Variants in RNF180 observed in about 807,000 individuals in gnomAD.
RNF180 encodes E3 ubiquitin-protein ligase RNF180.
Under a neutral mutation model 59.2 loss-of-function variants are expected in RNF180, and 38 were observed. That is an observed-to-expected ratio of 0.64 (90% CI 0.50 to 0.84). RNF180 has a LOEUF of 0.84. RNF180 is among the 40% of genes least tolerant of loss of function. The pLI is 0.00. For synonymous variants in RNF180, 262 were observed against 240.3 expected (o/e 1.09, Z -0.84); for missense variants, 705 against 700.9 (o/e 1.01, Z -0.07).
chr5:64,298,581 T>TG (rs1009328524), intron 5 of RNF180, among the ~76,000 whole-genome samples: 1 of 152,068 alleles, frequency 6.6e-6, no homozygotes, highest in Non-Finnish European at 1.5e-5. Context: ...CATACTACAA[T>TG]GGACTGAATG....
Position 64,371,104 on chromosome 5 carries a change from G to A in RNF180, c.*1290G>A, listed in dbSNP as rs1003230547. ...TAAAAGCACTTGACTGTTGGTATGTGATGTTCTAAGAAAACTAGAAGAATG... is the reference window on the plus strand; with the variant it reads ...TAAAAGCACTTGACTGTTGGTATGTAATGTTCTAAGAAAACTAGAAGAATG... On this transcript the variant is annotated 3_prime_UTR_variant, in exon 8 of 8. Transcript: ENST00000389100. 2 of 151,534 alleles carry A rather than the reference G, an allele frequency of 1.3e-5. No individual in the cohort carries two copies. The highest frequency in any genetic ancestry group is 3.0e-5 in the Non-Finnish European group (2 of 67,684). The allele number at this position is 151,534 out of a possible 1,614,324, so 9.4% of individuals were successfully genotyped here.
chr5:64,339,129 A>C (rs1288995293), intron 7 of RNF180, among the ~76,000 whole-genome samples: 1 of 147,732 alleles, frequency 6.8e-6, no homozygotes, highest in Non-Finnish European at 1.5e-5. Flanking sequence ...TTATCTACTC[A>C]TTTTTCTGTG....
chr5:64,183,957 T>C (rs1285206006), intron 1 of RNF180, among the ~76,000 whole-genome samples: 1 of 152,168 alleles, frequency 6.6e-6, no homozygotes, highest in Non-Finnish European at 1.5e-5. Context: ...ACATGGCTAT[T>C]TGGAGGATAG....
chr5:64,258,723 G>A (rs1450974028), intron 5 of RNF180, among the ~76,000 whole-genome samples: 1 of 152,114 alleles, frequency 6.6e-6, no homozygotes, highest in African/African-American at 2.4e-5. Context: ...AGATAACTCT[G>A]GGCTGAGATA....
intron 1 of RNF180, among the ~76,000 whole-genome samples, chr5:64,198,173 T>C (rs1234047682): frequency 1.3e-5 from 2 of 152,240 alleles, no homozygotes; most frequent in African/African-American, 2.4e-5. Context: ...AACATGTACT[T>C]AAAAATATTG....
chr5:64,226,422 G>A (rs950965188), intron 5 of RNF180, among the ~76,000 whole-genome samples: 2 of 152,148 alleles, frequency 1.3e-5, no homozygotes, highest in African/African-American at 4.8e-5. Flanking sequence ...TGGATTAAGG[G>A]CGGTGCAAGA....
intron 5 of RNF180, among the ~76,000 whole-genome samples, chr5:64,269,263 C>T (rs1449832861): frequency 6.6e-6 from 1 of 152,124 alleles, no homozygotes; most frequent in African/African-American, 2.4e-5. Context: ...GACAGGGTCT[C>T]ACTCTGTCAC....
chr5:64,245,814 A>G (rs1397918048), intron 5 of RNF180, among the ~76,000 whole-genome samples: 1 of 152,196 alleles, frequency 6.6e-6, no homozygotes, highest in Non-Finnish European at 1.5e-5. Context: ...CAGAATATAC[A>G]TTCTTCTAAA....
chr5:64,365,640 C>T (rs1340505371), intron 7 of RNF180, among the ~76,000 whole-genome samples: 2 of 151,652 alleles, frequency 1.3e-5, no homozygotes, highest in Non-Finnish European at 1.5e-5. Flanking sequence ...TCTCTAAGAG[C>T]TTGCTTTATG....
At chr5:64,307,088 C>T (rs1743509567) in intron 5 of RNF180, among the ~76,000 whole-genome samples, 1 of 146,598 alleles carries the variant, frequency 6.8e-6, no homozygotes, top group African/African-American at 2.5e-5. Flanking sequence ...AACTGTGAGC[C>T]AAAGGATAGC....
At position 64,214,093 on chromosome 5, in the gene RNF180, C is replaced by A; in HGVS notation, c.767C>A (p.Ser256Tyr). 6.2e-7 allele frequency: 1 copy of A among 1,613,918 alleles called. No homozygotes were observed. The highest frequency in any genetic ancestry group is 1.1e-5 in the South Asian group (1 of 91,072). ...YEIHSKTTAY[S>Y]RLNETQPIDL... is the part of the protein sequence containing the mutation. ...ATACATAGTAAGACTACTGCCTATT[C>A]CAGACTAAATGAAACACAGCCTATT... Residue 256 changes from serine to tyrosine, a missense_variant, in exon 4 of 8, where the codon TCC becomes TAC. Transcript: ENST00000389100.
intron 5 of RNF180, among the ~76,000 whole-genome samples, chr5:64,313,941 T>C (rs1032363428): frequency 3.3e-5 from 5 of 152,156 alleles, no homozygotes; most frequent in Admixed American, 1.3e-4. Flanking sequence ...TTTTTGGCCA[T>C]GTGTATGTCT....
intron 5 of RNF180, among the ~76,000 whole-genome samples, chr5:64,256,612 G>A (rs920491766): frequency 7.9e-5 from 12 of 152,206 alleles, no homozygotes; most frequent in Non-Finnish European, 1.5e-4. Context: ...CAGCCTTGCA[G>A]TATAGTTTGA....
At chr5:64,358,577 T>C (rs1746117747) in intron 7 of RNF180, among the ~76,000 whole-genome samples, 1 of 151,826 alleles carries the variant, frequency 6.6e-6, no homozygotes, top group Non-Finnish European at 1.5e-5. Flanking sequence ...AATCTGCCCA[T>C]AGACCTGAAA....
chr5:64,176,020 A>G (rs1425874040), intron 1 of RNF180, among the ~76,000 whole-genome samples: 1 of 152,152 alleles, frequency 6.6e-6, no homozygotes, highest in African/African-American at 2.4e-5. Flanking sequence ...TTAGGATTTT[A>G]TAAATCCTGG....
intron 1 of RNF180, among the ~76,000 whole-genome samples, chr5:64,198,140 C>T (rs1472010616): frequency 6.6e-6 from 1 of 152,052 alleles, no homozygotes; most frequent in Non-Finnish European, 1.5e-5. Context: ...TTCCTTAACT[C>T]GGTATATTAA....
chr5:64,308,522 G>A (rs1433612446), intron 5 of RNF180, among the ~76,000 whole-genome samples: 2 of 151,698 alleles, frequency 1.3e-5, no homozygotes, highest in East Asian at 3.9e-4. Context: ...AGTGTAGCCA[G>A]GGGCTTGGAG....
intron 5 of RNF180, among the ~76,000 whole-genome samples, chr5:64,319,387 TG>T (rs1241894629): frequency 6.6e-6 from 1 of 152,152 alleles, no homozygotes; most frequent in Non-Finnish European, 1.5e-5. Context: ...TATACTATTG[TG>T]TTAATGTTTA....
chr5:64,319,832 A>G (rs1024479767), intron 5 of RNF180, among the ~76,000 whole-genome samples: 1 of 152,252 alleles, frequency 6.6e-6, no homozygotes, highest in Non-Finnish European at 1.5e-5. Flanking sequence ...AACAAAACAA[A>G]TATTTTGTAC....
Sources: allele counts gnomAD v4.1 joint callset (sites outside exome capture counted in the v4.1 genomes callset), GRCh38; gene constraint gnomAD v4.1.1; transcripts MANE v1.5; gene names NCBI Gene and HGNC (gene_info 2026-07-23, HGNC 2026-07-21).